Variants in SCFD2 observed in about 807,000 individuals in gnomAD.
SCFD2 encodes the protein sec1 family domain containing 2.
A neutral mutation model predicts 58.9 loss-of-function variants in SCFD2; 54 were observed. The ratio of observed to expected loss-of-function variants is 0.92; its 90% CI spans 0.74 to 1.15. SCFD2 has a LOEUF of 1.15. Among genes scored for constraint, SCFD2 ranks in the 50% most tolerant of loss-of-function variants. SCFD2 has a pLI of 0.00. For missense variants in SCFD2, 805 were observed against 836.6 expected, an observed-to-expected ratio of 0.96 and a Z score of 0.47; for synonymous variants, 321 against 335.9, an observed-to-expected ratio of 0.96 and a Z score of 0.49.
Position 53,309,373 on chromosome 4 carries a change from C to T in SCFD2, c.1135+4263G>A, listed in dbSNP as rs17082568. 8.8e-3 allele frequency among the ~76,000 whole-genome samples: 1,334 copies of T among 152,244 alleles called. 19 individuals are homozygous for T. The highest frequency in any genetic ancestry group is 0.03 in the African/African-American group (1,258 of 41,554). ...AATGGTGGTGAGTTTATAGGGCTGA[C>T]ACTAAGATGTCCCAGAACTAGGAGA... is the stretch of plus-strand genomic sequence containing the variant. On this transcript the variant is annotated intron_variant, in intron 3 of 8. Transcript: ENST00000401642.
At chr4:53,152,171 C>T (rs1270294060) in intron 4 of SCFD2, among the ~76,000 whole-genome samples, 1 of 152,086 alleles carries the variant, frequency 6.6e-6, no homozygotes, top group African/African-American at 2.4e-5. Context: ...AAAGGTAAAT[C>T]CAGTCTCCTA....
chr4:52,907,642 A>G (rs755416436), intron 6 of SCFD2, 51 bp from the exon 7 acceptor site: 1 of 1,587,764 alleles, frequency 6.3e-7, no homozygotes, highest in South Asian at 1.1e-5. Context: ...TTGTCTGGAG[A>G]GAGGACAGCT....
intron 3 of SCFD2, among the ~76,000 whole-genome samples, chr4:53,290,752 G>C (rs1731813581): frequency 6.6e-6 from 1 of 151,918 alleles, no homozygotes; most frequent in African/African-American, 2.4e-5. Flanking sequence ...AATAAAATCA[G>C]AAATGAAAGT....
At chr4:53,148,703 T>G (rs776398907) in intron 4 of SCFD2, among the ~76,000 whole-genome samples, 27 of 152,200 alleles carry the variant, frequency 1.8e-4, no homozygotes, top group Non-Finnish European at 3.2e-4. Context: ...GCTGGCTACT[T>G]AGCAAAACAT....
At chr4:53,182,827 CA>C (rs1188690986) in intron 4 of SCFD2, among the ~76,000 whole-genome samples, 1 of 151,880 alleles carries the variant, frequency 6.6e-6, no homozygotes, top group Non-Finnish European at 1.5e-5. Context: ...ACAACCCCAT[CA>C]AAAAGTGGGC....
intron 5 of SCFD2, among the ~76,000 whole-genome samples, chr4:53,007,968 G>A (rs1007793983): frequency 1.3e-5 from 2 of 152,198 alleles, no homozygotes; most frequent in African/African-American, 4.8e-5. Context: ...AATGAATGAT[G>A]TTCCTGGCTG....
chr4:52,942,624 T>A (rs780978568), intron 5 of SCFD2, among the ~76,000 whole-genome samples: 1 of 152,086 alleles, frequency 6.6e-6, no homozygotes, highest in Non-Finnish European at 1.5e-5. Context: ...ATAAATGAGT[T>A]ACTATATGGA....
At chr4:53,203,567 G>T (rs372891843) in intron 4 of SCFD2, among the ~76,000 whole-genome samples, 1 of 151,666 alleles carries the variant, frequency 6.6e-6, no homozygotes, top group South Asian at 2.1e-4. Context: ...ACCCACAAAT[G>T]CAAAAAAATA....
chr4:53,002,517 T>C (rs1721884993), intron 5 of SCFD2, among the ~76,000 whole-genome samples: 1 of 152,170 alleles, frequency 6.6e-6, no homozygotes, highest in South Asian at 2.1e-4. Flanking sequence ...CTAGGATTAC[T>C]ATCCCCACCA....
At position 52,920,712 on chromosome 4, in the gene SCFD2, C is replaced by G; in HGVS notation, c.1707+13G>C. On this transcript the variant is annotated intron_variant, in intron 6 of 8. Coordinates refer to ENST00000401642, the MANE Select transcript of SCFD2 (RefSeq NM_152540.4). ...AACAGATTAGAAGGTTACTTTAAAA[C>G]GTATATACTTGCCTGGTGGGTATGA... is the stretch of plus-strand genomic sequence containing the variant. 1 of 1,562,044 alleles carries G rather than the reference C, an allele frequency of 6.4e-7. No individual in the cohort carries two copies. Among genetic ancestry groups the G allele is most frequent in the Non-Finnish European group, 8.7e-7 (1 of 1,150,906 alleles).
intron 2 of SCFD2, among the ~76,000 whole-genome samples, chr4:53,320,443 C>G (rs1190408431): frequency 2.0e-5 from 3 of 152,068 alleles, no homozygotes; most frequent in Non-Finnish European, 4.4e-5. Flanking sequence ...ATGGTGAAAC[C>G]CCATCTCTAC....
At chr4:53,006,442 G>A (rs1481203621) in intron 5 of SCFD2, among the ~76,000 whole-genome samples, 4 of 152,208 alleles carry the variant, frequency 2.6e-5, no homozygotes, top group Admixed American at 2.6e-4. Context: ...GCCAATAGCA[G>A]CTATCTTCAA....
intron 4 of SCFD2, among the ~76,000 whole-genome samples, chr4:53,240,349 C>T (rs530464838): frequency 1.3e-5 from 2 of 152,276 alleles, no homozygotes; most frequent in South Asian, 4.1e-4. Flanking sequence ...AGGATGTACC[C>T]AAATTTCAGA....
At chr4:53,274,490 T>C (rs1731270288) in intron 3 of SCFD2, among the ~76,000 whole-genome samples, 1 of 152,124 alleles carries the variant, frequency 6.6e-6, no homozygotes, top group South Asian at 2.1e-4. Context: ...CATGACAATA[T>C]TCGTGAGATA....
intron 5 of SCFD2, among the ~76,000 whole-genome samples, chr4:53,034,432 C>G (rs1722704609): frequency 6.6e-6 from 1 of 152,178 alleles, no homozygotes; most frequent in South Asian, 2.1e-4. Flanking sequence ...GATGCCCACT[C>G]TAACCACTCC....
intron 6 of SCFD2, among the ~76,000 whole-genome samples, chr4:52,917,680 G>A (rs1719640466): frequency 6.6e-6 from 1 of 152,168 alleles, no homozygotes; most frequent in Admixed American, 6.5e-5. Flanking sequence ...GCCCTGGAGG[G>A]CCAGGCCTGT....
chr4:53,348,079 C>T (rs1275616101), intron 2 of SCFD2, among the ~76,000 whole-genome samples: 2 of 152,240 alleles, frequency 1.3e-5, no homozygotes, highest in Non-Finnish European at 2.9e-5. Context: ...AAATACTCCA[C>T]ATAATCCAGA....
At chr4:53,245,364 C>T (rs1314050833) in intron 4 of SCFD2, among the ~76,000 whole-genome samples, 1 of 152,020 alleles carries the variant, frequency 6.6e-6, no homozygotes, top group Non-Finnish European at 1.5e-5. Flanking sequence ...CTCAACAAAA[C>T]GCTAGCAAAC....
intron 5 of SCFD2, among the ~76,000 whole-genome samples, chr4:53,094,354 G>C (rs1431464423): frequency 1.3e-5 from 2 of 152,076 alleles, no homozygotes; most frequent in Non-Finnish European, 2.9e-5. Context: ...CAACAGGGTT[G>C]TTTTTCTAAG....
Sources: allele counts gnomAD v4.1 joint callset (sites outside exome capture counted in the v4.1 genomes callset), GRCh38; gene constraint gnomAD v4.1.1; transcripts MANE v1.5; gene names NCBI Gene and HGNC (gene_info 2026-07-23, HGNC 2026-07-21).